Variants in RHPN1 observed in about 807,000 individuals in gnomAD.
RHPN1 encodes rhophilin Rho GTPase binding protein 1, also known as rhophilin-1.
RHPN1 carries 77 observed loss-of-function variants against 74.7 expected under a neutral mutation model. The ratio of observed to expected loss-of-function variants is 1.03; its 90% CI spans 0.86 to 1.25. The LOEUF (loss-of-function observed/expected upper bound fraction) is 1.25, where lower values mean the gene tolerates loss of function less well. Among genes scored for constraint, RHPN1 ranks in the 50% most tolerant of loss-of-function variants. The pLI, the probability that RHPN1 is intolerant of heterozygous loss-of-function variation, is 0.00. For missense variants in RHPN1, 987 were observed against 932.2 expected (o/e 1.06, Z -0.77); for synonymous variants, 444 against 414.5 (o/e 1.07, Z -0.87).
At chr8:143,364,916 T>G (rs1329785032), upstream of RHPN1, among the ~76,000 whole-genome samples, 1 of 152,238 alleles carries the variant, frequency 6.6e-6, no homozygotes, top group Non-Finnish European at 1.5e-5. This position sits in a 1 kb window ranked among gnomAD's most constrained non-coding sequence, Gnocchi z 4.5. Flanking sequence ...GCTCGCCCTG[T>G]GGTACCTGTT....
At chr8:143,375,695 G>A (rs749498564) in intron 2 of RHPN1, 27 bp downstream of exon 2, 23 of 1,551,746 alleles carry the variant, frequency 1.5e-5, no homozygotes, top group Middle Eastern at 1.7e-4. Flanking sequence ...GCCCGGCCCC[G>A]GGAGCAGGGC....
intron 3 of RHPN1, 138 bp from the exon 4 acceptor site, chr8:143,377,242 C>T (rs1012501075): frequency 1.6e-6 from 1 of 631,304 alleles, no homozygotes. Flanking sequence ...GCAAGGATGC[C>T]CCCCAGGACA....
In RHPN1 at chr8:143,379,333, G is replaced by A. The variant is rs748498253; in HGVS notation, c.770G>A (p.Arg257Lys). ...QRAAGAFSLLRENFSHAPSPD... is the reference protein window; with the variant it reads ...QRAAGAFSLLKENFSHAPSPD... ...TCCGCAGGGGCCTTCAGCCTCCTGA[G>A]GGAGAACTTCTCCCATGCGCCGAGC... The change falls in exon 8 of 15, where the codon AGG (arginine) becomes AAG (lysine). Residue 257 changes from arginine to lysine, a missense_variant. Coordinates refer to ENST00000289013, the MANE Select transcript of RHPN1 (RefSeq NM_052924.3). The A allele has an allele frequency of 6.3e-7, 1 of 1,596,224 alleles. No individual in the cohort carries two copies. Among genetic ancestry groups the A allele is most frequent in the South Asian group, 1.1e-5 (1 of 89,218 alleles).
chr8:143,378,357 C>CGGGGGG lies in RHPN1; in HGVS notation c.459+11_459+12insGGGGGG. 3.9e-6 allele frequency: 6 copies of CGGGGGG among 1,520,880 alleles called. No individual in the cohort carries two copies. The highest frequency in any genetic ancestry group is 5.3e-6 in the Non-Finnish European group (6 of 1,127,098). The allele number at this position is 1,520,880 out of a possible 1,614,324, so 94.2% of individuals were successfully genotyped here. A position where few individuals can be genotyped will look rare whatever the true frequency, so the allele number is the denominator to read the frequency against. On this transcript the variant is annotated intron_variant, in intron 5 of 14. Transcript: ENST00000289013. Reference sequence around the variant, plus strand: ...GAGGCCCTGCGGCAGGTGTGTGGTTCCCCCGCCCACCCACCCTCCTGCAGC... The same window carrying CGGGGGG: ...GAGGCCCTGCGGCAGGTGTGTGGTTCGGGGGGCCCCGCCCACCCACCCTCCTGCAGC...
At chr8:143,380,479 C>A (rs10093558) in intron 10 of RHPN1, 110 bp from the exon 11 acceptor site, 1 of 1,083,502 alleles carries the variant, frequency 9.2e-7, no homozygotes, top group Non-Finnish European at 1.3e-6. Flanking sequence ...GCACCCCCAA[C>A]GAAAGTGGCT....
chr8:143,377,921 GTGGCAGA>G (rs1818393089), intron 4 of RHPN1, among the ~76,000 whole-genome samples: 1 of 152,216 alleles, frequency 6.6e-6, no homozygotes, highest in Admixed American at 6.5e-5. Context: ...GAGTCACTGA[GTGGCAGA>G]TGGCACCTGC....
At chr8:143,366,003 A>G (rs1164795663), upstream of RHPN1, among the ~76,000 whole-genome samples, 1 of 146,758 alleles carries the variant, frequency 6.8e-6, no homozygotes, top group African/African-American at 2.5e-5. Context: ...CCCTGTCTCA[A>G]AAAAAAAAAA....
rs761451825 is a variant in RHPN1, at chr8:143,375,547, C to T, written c.61-6C>T. The T allele has an allele frequency of 6.3e-7, 1 of 1,584,914 alleles. No individual in the cohort carries two copies. The highest frequency in any genetic ancestry group is 8.6e-7 in the Non-Finnish European group (1 of 1,169,208). On this transcript the variant is annotated splice_region_variant and splice_polypyrimidine_tract_variant and intron_variant, in intron 1 of 14. Transcript: ENST00000289013. Reference sequence around the variant, plus strand: ...CGGGCTGTGATCGCCTGTGGCCTCCCTGCAGGGCTGTGACTCCCTGACGCA... The same window carrying T: ...CGGGCTGTGATCGCCTGTGGCCTCCTTGCAGGGCTGTGACTCCCTGACGCA...
upstream of RHPN1, among the ~76,000 whole-genome samples, chr8:143,366,064 C>T (rs1343382380): frequency 1.3e-5 from 2 of 151,688 alleles, no homozygotes; most frequent in Non-Finnish European, 2.9e-5. Flanking sequence ...TTTGGGAGGC[C>T]AAGGCAGGCA....
chr8:143,377,016 C>T (rs531012811), intron 3 of RHPN1, among the ~76,000 whole-genome samples: 17 of 145,230 alleles, frequency 1.2e-4, no homozygotes, highest in Non-Finnish European at 1.8e-4. Context: ...GTGTTTGCCT[C>T]TATGTGTGCG....
chr8:143,381,445 C>A, intron 12 of RHPN1, 101 bp downstream of exon 12: 2 of 1,445,182 alleles, frequency 1.4e-6, no homozygotes, highest in Non-Finnish European at 1.9e-6. Flanking sequence ...GGTGGTCCAG[C>A]CCTCCCCACC....
At position 143,382,753 on chromosome 8, in the gene RHPN1, T is replaced by A; in HGVS notation, c.*102T>A. ...ACCTCCGGGCAATGCCTGTCCCGCCTCATGCTGGAGGCTGCCTCGGGCACC... is the reference window on the plus strand; with the variant it reads ...ACCTCCGGGCAATGCCTGTCCCGCCACATGCTGGAGGCTGCCTCGGGCACC... On this transcript the variant is annotated 3_prime_UTR_variant, in exon 15 of 15. Transcript: ENST00000289013. 2.9e-6 allele frequency: 3 copies of A among 1,039,582 alleles called. No individual in the cohort carries two copies. The South Asian group carries it at 4.7e-5, about 16-fold the overall frequency. The allele number at this position is 1,039,582 out of a possible 1,614,324, so 64.4% of individuals were successfully genotyped here. A position where few individuals can be genotyped will look rare whatever the true frequency, so the allele number is the denominator to read the frequency against.
intron 1 of RHPN1, among the ~76,000 whole-genome samples, chr8:143,370,529 A>C (rs1458549473): frequency 1.3e-5 from 2 of 152,200 alleles, no homozygotes; most frequent in Non-Finnish European, 2.9e-5. Context: ...TCATCCACTT[A>C]GAGGCCACAC....
chr8:143,376,734 T>C, intron 3 of RHPN1, 81 bp downstream of exon 3: 1 of 1,440,174 alleles, frequency 6.9e-7, no homozygotes, highest in Non-Finnish European at 9.4e-7. Context: ...TGCACGCATG[T>C]GTGTCTCTGT....
rs750924830 is a variant in RHPN1 at position 143,376,511 on chromosome 8, G to T, written c.177-14G>T. Reference sequence around the variant, plus strand: ...CCTTGGGGCTGGGCTTTCAACTGCCGCGGCCTCCCTCAGAGCCACCAGCAA... The same window carrying T: ...CCTTGGGGCTGGGCTTTCAACTGCCTCGGCCTCCCTCAGAGCCACCAGCAA... On this transcript the variant is annotated splice_polypyrimidine_tract_variant and intron_variant, in intron 2 of 14. Coordinates refer to ENST00000289013, the MANE Select transcript of RHPN1 (RefSeq NM_052924.3). 1.2e-5 allele frequency: 20 copies of T among 1,611,170 alleles called. No homozygotes were observed. The African/African-American group carries it at 2.4e-4, about 19-fold the overall frequency.
At chr8:143,372,585 CTCCCTCCAGCTGCCTGTGTCCA>C (rs1387884378) in intron 1 of RHPN1, among the ~76,000 whole-genome samples, 12 of 151,928 alleles carry the variant, frequency 7.9e-5, no homozygotes, top group Non-Finnish European at 1.3e-4. Flanking sequence ...GCCTGTGTCC[CTCCCTCCAGCTGCCTGTGTCCA>C]TCCCTCCGGC....
chr8:143,370,890 G>C (rs1366398444), intron 1 of RHPN1, among the ~76,000 whole-genome samples: 1 of 152,210 alleles, frequency 6.6e-6, no homozygotes, highest in African/African-American at 2.4e-5. Context: ...GTGGGAGAAG[G>C]GGGAGCAGGC....
At position 143,375,143 on chromosome 8, in the gene RHPN1, AG is replaced by A. The variant is rs556855587; in HGVS notation, c.61-403del. ...GATGGGAAAAAAATTGGGAGGGGCAAGGGGGGGATCCAGAATGAAATCCAGA... is the reference window on the plus strand; with the variant it reads ...GATGGGAAAAAAATTGGGAGGGGCAAGGGGGGATCCAGAATGAAATCCAGA... On this transcript the variant is annotated intron_variant, in intron 1 of 14. Coordinates refer to ENST00000289013, the MANE Select transcript of RHPN1 (RefSeq NM_052924.3). 6.3e-3 allele frequency among the ~76,000 whole-genome samples: 953 copies of A among 152,218 alleles called. 9 individuals carry two copies. The highest frequency in any genetic ancestry group is 0.022 in the African/African-American group (919 of 41,560).
At chr8:143,368,014 T>C (rs1817597868), upstream of RHPN1, 1 of 152,828 alleles carries the variant, frequency 6.5e-6, no homozygotes, top group Non-Finnish European at 1.5e-5. Context: ...CAGGTGGTCC[T>C]GGAGGCAAGC....
Sources: allele counts gnomAD v4.1 joint callset (sites outside exome capture counted in the v4.1 genomes callset), GRCh38; gene constraint gnomAD v4.1.1; non-coding constraint Gnocchi (gnomAD v3.1); transcripts MANE v1.5; gene names NCBI Gene and HGNC (gene_info 2026-07-23, HGNC 2026-07-21).